Variants in ITGA2 observed in about 807,000 individuals in gnomAD.
The protein encoded by ITGA2 is integrin alpha-2.
A neutral mutation model predicts 146.3 loss-of-function variants in ITGA2; 101 were observed. The observed-to-expected ratio is 0.69, with a 90% CI of 0.59 to 0.81. The LOEUF (loss-of-function observed/expected upper bound fraction) is 0.81. Ranked by LOEUF, ITGA2 falls within the 40% of genes least tolerant of loss-of-function variation. ITGA2 has a pLI of 0.00. For synonymous variants in ITGA2, 477 were observed against 487.1 expected (o/e 0.98, Z 0.27); for missense variants, 1,281 against 1,402.7 (o/e 0.91, Z 1.39).
chr5:52,995,799 T>C (rs924119523), intron 1 of ITGA2, among the ~76,000 whole-genome samples: 1 of 152,156 alleles, frequency 6.6e-6, no homozygotes, highest in Non-Finnish European at 1.5e-5. Context: ...ATTAACAAGA[T>C]GAGTCAGGCA....
intron 4 of ITGA2, 126 bp from the exon 5 acceptor site, chr5:53,048,237 G>A (rs1744186509): frequency 2.6e-6 from 2 of 779,862 alleles, no homozygotes; most frequent in Non-Finnish European, 4.4e-6. Context: ...TGACTCATTG[G>A]TTTTGAGTTG....
intron 17 of ITGA2, among the ~76,000 whole-genome samples, chr5:53,071,248 A>C (rs1292107382): frequency 6.6e-6 from 1 of 151,852 alleles, no homozygotes; most frequent in South Asian, 2.1e-4. Context: ...AATTTTATAG[A>C]TTCCTTAAAG....
At position 53,064,990 on chromosome 5, in the gene ITGA2, C is replaced by T; in HGVS notation, c.1681C>T (p.Leu561Phe). 2 of 1,612,982 alleles carry T rather than the reference C, an allele frequency of 1.2e-6. No homozygotes were observed. Among genetic ancestry groups the T allele is most frequent in the Non-Finnish European group, 1.7e-6 (2 of 1,179,268 alleles). Residue 561 changes from leucine (L) to phenylalanine (F), a missense_variant, in exon 14 of 30, where the codon CTT (leucine) becomes TTT (phenylalanine). By Grantham distance (22) the Leu-to-Phe change is conservative (BLOSUM62 0). This residue lies in a region of ITGA2 where 795 missense variants were observed against 841.7 expected (regional missense o/e 0.94). Transcript: ENST00000296585. ...TCGATTTGGTTCAGCAATTGCAGCT[C>T]TTTCAGACATCAACATGGATGGCTT... ...NTRFGSAIAA[L>F]SDINMDGFND...
chr5:53,065,108 ATT>A lies in ITGA2; in HGVS notation c.1800_1801del (p.Ser601ProfsTer11). On this transcript the variant is annotated frameshift_variant, in exon 14 of 30. Coordinates refer to ENST00000296585, the MANE Select transcript of ITGA2 (RefSeq NM_002203.4). LOFTEE classifies it high-confidence loss of function. ...CATCAGGGCACTATCCGCACAAAGTATTCCCAGGTAATCCATGAGCTGTTATG... is the reference window on the plus strand; with the variant it reads ...CATCAGGGCACTATCCGCACAAAGTACCCAGGTAATCCATGAGCTGTTATG... The A allele has an allele frequency of 6.2e-7, 1 of 1,612,388 alleles. No homozygotes were observed.
chr5:53,070,353 T>C, intron 17 of ITGA2, 93 bp downstream of exon 17: 4 of 1,216,018 alleles, frequency 3.3e-6, no homozygotes, highest in Non-Finnish European at 4.8e-6. Flanking sequence ...AGTTAGAAAA[T>C]GCTCACCCTT....
intron 1 of ITGA2, among the ~76,000 whole-genome samples, chr5:53,000,510 G>A (rs1233262354): frequency 6.6e-6 from 1 of 152,060 alleles, no homozygotes; most frequent in East Asian, 1.9e-4. Flanking sequence ...TCTCTCTACT[G>A]TATTGTCCCT....
chr5:53,077,231 G>T (rs1374514998), intron 23 of ITGA2, among the ~76,000 whole-genome samples: 1 of 151,814 alleles, frequency 6.6e-6, no homozygotes, highest in Non-Finnish European at 1.5e-5. Flanking sequence ...TGGTTGTTTT[G>T]CATTTTTATT....
At chr5:53,084,581 T>C (rs547062717) in intron 27 of ITGA2, among the ~76,000 whole-genome samples, 168 of 152,336 alleles carry the variant, frequency 1.1e-3, no homozygotes, top group African/African-American at 3.9e-3. Flanking sequence ...TCTGGCTTGC[T>C]TGCTTGCTTT....
At position 53,090,658 on chromosome 5, in the gene ITGA2, C is replaced by A. The variant is rs1019658558; in HGVS notation, c.*59C>A. ...CATCCCAGCCAGGGTTTGCTGTTTGCGTGAATGGATTTCTTTTTAAATCCC... is the reference window on the plus strand; with the variant it reads ...CATCCCAGCCAGGGTTTGCTGTTTGAGTGAATGGATTTCTTTTTAAATCCC... On this transcript the variant is annotated 3_prime_UTR_variant, in exon 30 of 30. Coordinates refer to ENST00000296585, the MANE Select transcript of ITGA2 (RefSeq NM_002203.4). 1.5e-6 allele frequency: 2 copies of A among 1,309,378 alleles called. No individual in the cohort carries two copies. The highest frequency in any genetic ancestry group is 2.2e-6 in the Non-Finnish European group (2 of 905,554). The allele number at this position is 1,309,378 out of a possible 1,614,324, so 81.1% of individuals were successfully genotyped here.
chr5:53,042,363 C>T, intron 3 of ITGA2, 142 bp downstream of exon 3: 1 of 662,954 alleles, frequency 1.5e-6, no homozygotes, highest in Non-Finnish European at 2.8e-6. Flanking sequence ...GGGGCACAAT[C>T]ATATCCAAAT....
chr5:53,052,452 G>A lies in ITGA2; in HGVS notation c.779+893G>A, dbSNP rs540590645. On this transcript the variant is annotated intron_variant, in intron 7 of 29. Coordinates refer to ENST00000296585, the MANE Select transcript of ITGA2 (RefSeq NM_002203.4). ...TCACAAAAATGCTAAACACACTCCG[G>A]TTGTTAAACAAATTAATGAGAACAA... Among the ~76,000 whole-genome samples the A allele has an allele frequency of 1.3e-4, 20 of 152,086 alleles. No homozygotes were observed. The South Asian group carries it at 3.3e-3, about 25-fold the overall frequency.
chr5:52,990,900 G>A (rs1483630696), intron 1 of ITGA2, among the ~76,000 whole-genome samples: 1 of 151,980 alleles, frequency 6.6e-6, no homozygotes, highest in African/African-American at 2.4e-5. Flanking sequence ...ATGAGTCTCT[G>A]GAATACAACT....
chr5:53,048,504 G>A (rs1744198373), intron 5 of ITGA2, 27 bp downstream of exon 5: 1 of 1,610,586 alleles, frequency 6.2e-7, no homozygotes, highest in Non-Finnish European at 8.5e-7. Flanking sequence ...CAGATGGTCT[G>A]AGCAATGCCT....
At chr5:53,030,021 G>A (rs1161052341) in intron 2 of ITGA2, among the ~76,000 whole-genome samples, 1 of 152,198 alleles carries the variant, frequency 6.6e-6, no homozygotes, top group East Asian at 1.9e-4. Flanking sequence ...GCCACCATCA[G>A]TAATAGACAT....
intron 1 of ITGA2, among the ~76,000 whole-genome samples, chr5:53,018,259 G>A (rs545607565): frequency 6.6e-6 from 1 of 152,300 alleles, no homozygotes; most frequent in East Asian, 1.9e-4. Context: ...ATATTCTGCT[G>A]TTGTTAAATC....
chr5:53,061,115 C>G (rs1744888704), intron 12 of ITGA2, 69 bp downstream of exon 12: 20 of 1,507,644 alleles, frequency 1.3e-5, no homozygotes, highest in Non-Finnish European at 1.7e-5. Flanking sequence ...GTCAGGTGAA[C>G]AGAAATGGAA....
chr5:53,021,879 T>G (rs934402987), intron 1 of ITGA2, among the ~76,000 whole-genome samples: 1 of 152,224 alleles, frequency 6.6e-6, no homozygotes, highest in African/African-American at 2.4e-5. Context: ...TTTTGGCCTT[T>G]GCTCTCTTCT....
intron 1 of ITGA2, among the ~76,000 whole-genome samples, chr5:53,017,818 A>G (rs1174618907): frequency 6.6e-6 from 1 of 152,144 alleles, no homozygotes; most frequent in Admixed American, 6.5e-5. Context: ...GTCTTCTGGC[A>G]TGTGTGGGCC....
chr5:53,018,687 G>A (rs554229272), intron 1 of ITGA2, among the ~76,000 whole-genome samples: 1 of 152,180 alleles, frequency 6.6e-6, no homozygotes, highest in African/African-American at 2.4e-5. Context: ...GAGGATTATA[G>A]AAAGCATATA....
Sources: gnomAD v4.1 joint callset for allele counts (sites outside exome capture counted in the v4.1 genomes callset) on GRCh38, gnomAD v4.1.1 for gene constraint, gnomAD v4.1.1 regional missense constraint, MANE v1.5 for transcripts, NCBI Gene and HGNC (gene_info 2026-07-23, HGNC 2026-07-21) for gene names.